ZBBX: variants seen among roughly 807,000 people sequenced by gnomAD.
ZBBX encodes zinc finger B-box domain containing.
ZBBX carries 101 observed loss-of-function variants against 108.5 expected under a neutral mutation model. The ratio of observed to expected loss-of-function variants is 0.93; its 90% confidence interval spans 0.79 to 1.10. The LOEUF is 1.10. ZBBX is among the 50% of genes least tolerant of loss of function. The pLI is 0.00. For synonymous variants in ZBBX, 356 were observed against 323.4 expected (o/e 1.10, Z -1.08); for missense variants, 1,009 against 941.4 (o/e 1.07, Z -0.94).
In ZBBX at chr3:167,319,656, C is replaced by A. The variant is rs553834080; in HGVS notation, c.984-2059G>T. ...AGGCTACAGATAAAAGCATGACACA[C>A]AAAGACTGTACTCTAGGTGGAAAAT... On this transcript the variant is annotated intron_variant, in intron 12 of 21. Coordinates refer to ENST00000675490, the MANE Select transcript of ZBBX (RefSeq NM_001199201.2). Among the ~76,000 whole-genome samples, 424 of 152,040 alleles carry A rather than the reference C, an allele frequency of 2.8e-3. 5 individuals carry two copies. Among genetic ancestry groups the A allele is most frequent in the Non-Finnish European group, 1.5e-3 (100 of 67,930 alleles).
At chr3:167,252,615 C>G (rs4465944) in intron 20 of ZBBX, among the ~76,000 whole-genome samples, 123,725 of 151,306 alleles carry the variant, frequency 0.82, 50,950 homozygotes, top group African/African-American at 0.92. Flanking sequence ...TCCATGTCTG[C>G]GTTAAGTGTG....
chr3:167,299,187 A>G (rs923324869), intron 17 of ZBBX, among the ~76,000 whole-genome samples: 1 of 152,100 alleles, frequency 6.6e-6, no homozygotes, highest in African/African-American at 2.4e-5. Flanking sequence ...TAGTATAATC[A>G]GAGTAGCTAT....
chr3:167,247,739 A>C (rs1216420181), intron 20 of ZBBX, among the ~76,000 whole-genome samples: 1 of 152,114 alleles, frequency 6.6e-6, no homozygotes, highest in African/African-American at 2.4e-5. Context: ...CCCTCATTGC[A>C]TGCCCTGCAA....
chr3:167,197,726 T>C, the ZBBX span, among the ~76,000 whole-genome samples: 1 of 152,310 alleles, frequency 6.6e-6, no homozygotes, highest in Non-Finnish European at 1.5e-5. Context: ...GAAAGTTGAT[T>C]ATTTTATTTA....
At chr3:167,375,822 G>T (rs911705346) in intron 2 of ZBBX, among the ~76,000 whole-genome samples, 4 of 152,028 alleles carry the variant, frequency 2.6e-5, no homozygotes, top group Non-Finnish European at 5.9e-5. Context: ...AAATATAATT[G>T]CAAAATGGAA....
chr3:167,366,508 A>G (rs1745335296), intron 5 of ZBBX, among the ~76,000 whole-genome samples: 1 of 151,878 alleles, frequency 6.6e-6, no homozygotes, highest in South Asian at 2.1e-4. Context: ...AGCATAACAA[A>G]ATATTTTTGA....
the ZBBX span, among the ~76,000 whole-genome samples, chr3:167,226,947 T>C: frequency 1.3e-5 from 2 of 151,782 alleles, no homozygotes; most frequent in African/African-American, 4.8e-5. Flanking sequence ...CTTTGTGTGA[T>C]GCCAGTGTGG....
At chr3:167,405,586 T>C (rs1345819887) in intron 1 of ZBBX, among the ~76,000 whole-genome samples, 1 of 152,090 alleles carries the variant, frequency 6.6e-6, no homozygotes, top group Non-Finnish European at 1.5e-5. Context: ...TTGAAAACAA[T>C]AAAAATATGA....
chr3:167,346,925 G>A (rs1053630055), intron 9 of ZBBX, among the ~76,000 whole-genome samples: 22 of 151,950 alleles, frequency 1.4e-4, no homozygotes, highest in South Asian at 4.1e-4. Context: ...CAAGACAATT[G>A]ATTAAAATCA....
At chr3:167,289,257 G>A (rs1248592663) in intron 18 of ZBBX, among the ~76,000 whole-genome samples, 2 of 152,036 alleles carry the variant, frequency 1.3e-5, no homozygotes, top group Admixed American at 1.3e-4. Context: ...AGATGCCTAA[G>A]AATATAGATG....
chr3:167,317,495 A>C lies in ZBBX; in HGVS notation c.1086T>G (p.Asp362Glu). 1 of 1,605,938 alleles carries C rather than the reference A, an allele frequency of 6.2e-7. No homozygotes were observed. The highest frequency in any genetic ancestry group is 8.5e-7 in the Non-Finnish European group (1 of 1,175,134). Residue 362 changes from aspartate (D) to glutamate (E), a missense_variant, in exon 13 of 22, where the codon GAT (aspartate) becomes GAG (glutamate). Transcript: ENST00000675490. Reference protein sequence around the residue: ...AQCSQNENDEDSDGEETKVQH... With the variant: ...AQCSQNENDEESDGEETKVQH... ...AATCAAGTATGAACTAACCATCACT[A>C]TCTTCATCGTTTTCATTTTGAGAAC... is the stretch of plus-strand genomic sequence containing the variant.
chr3:167,284,222 T>C (rs1729326533), intron 19 of ZBBX, among the ~76,000 whole-genome samples: 1 of 150,666 alleles, frequency 6.6e-6, no homozygotes, highest in Non-Finnish European at 1.5e-5. Flanking sequence ...CCCTGAGAAT[T>C]ATTTTTATGA....
intron 1 of ZBBX, among the ~76,000 whole-genome samples, chr3:167,404,481 G>A (rs1162302945): frequency 6.6e-6 from 1 of 151,986 alleles, no homozygotes; most frequent in Non-Finnish European, 1.5e-5. Flanking sequence ...GATTTTATTT[G>A]GGTGATGTCA....
At chr3:167,340,530 C>T (rs1740358288) in intron 9 of ZBBX, among the ~76,000 whole-genome samples, 1 of 151,958 alleles carries the variant, frequency 6.6e-6, no homozygotes, top group African/African-American at 2.4e-5. Context: ...ATTCTTAAAG[C>T]AAACTATTAT....
chr3:167,363,037 C>G (rs1332914446), intron 6 of ZBBX, among the ~76,000 whole-genome samples: 1 of 152,000 alleles, frequency 6.6e-6, no homozygotes, highest in Non-Finnish European at 1.5e-5. Flanking sequence ...TCAGCCACCT[C>G]ACCATTATAA....
intron 1 of ZBBX, among the ~76,000 whole-genome samples, chr3:167,386,210 G>A (rs1193158043): frequency 6.6e-6 from 1 of 152,028 alleles, no homozygotes; most frequent in Non-Finnish European, 1.5e-5. Flanking sequence ...GCAAAGATGA[G>A]AGACAGATTT....
the ZBBX span, among the ~76,000 whole-genome samples, chr3:167,234,425 T>C: frequency 2.0e-5 from 3 of 151,874 alleles, no homozygotes; most frequent in Admixed American, 2.0e-4. Flanking sequence ...ATGTGGAATG[T>C]GTTTTGAGAA....
At chr3:167,278,795 C>A (rs1384521457) in intron 20 of ZBBX, among the ~76,000 whole-genome samples, 56 of 149,250 alleles carry the variant, frequency 3.8e-4, no homozygotes, top group Non-Finnish European at 2.1e-4. Context: ...GAGACACAAC[C>A]AAAAAAGAGA....
At chr3:167,199,018 A>G in the ZBBX span, among the ~76,000 whole-genome samples, 1 of 152,154 alleles carries the variant, frequency 6.6e-6, no homozygotes, top group African/African-American at 2.4e-5. Context: ...GTAACAGGAG[A>G]GAAAGAAAAA....
Sources: allele counts gnomAD v4.1 joint callset (sites outside exome capture counted in the v4.1 genomes callset), GRCh38; gene constraint gnomAD v4.1.1; transcripts MANE v1.5; gene names NCBI Gene and HGNC (gene_info 2026-07-23, HGNC 2026-07-21).